Variants in KAZN observed in about 807,000 individuals in gnomAD.
The protein encoded by KAZN is kazrin, periplakin interacting protein, also known as kazrin.
Under a neutral mutation model 87.4 loss-of-function variants are expected in KAZN, and 40 were observed. That is an observed-to-expected ratio of 0.46 (90% confidence interval 0.36 to 0.60). The LOEUF is 0.60. Ranked by LOEUF, KAZN falls within the 20% of genes least tolerant of loss-of-function variation. KAZN has a pLI of 0.00. For synonymous variants in KAZN, 466 were observed against 458.3 expected (o/e 1.02, Z -0.22); for missense variants, 898 against 1,073.9 (o/e 0.84, Z 2.29).
intron 13 of KAZN, among the ~76,000 whole-genome samples, chr1:15,108,040 T>C (rs1265594161): frequency 1.3e-5 from 2 of 152,120 alleles, no homozygotes; most frequent in East Asian, 3.9e-4. Flanking sequence ...GGAGTCCCCT[T>C]CTGTCAGTTT....
chr1:14,419,620 G>GT (rs1238413265), intron 2 of KAZN, among the ~76,000 whole-genome samples: 30 of 152,242 alleles, frequency 2.0e-4, no homozygotes, highest in African/African-American at 7.0e-4. Flanking sequence ...TAAAGGTAGT[G>GT]TGTCCGGAGT....
chr1:14,613,008 T>C (rs1572048067), intron 1 of KAZN, among the ~76,000 whole-genome samples: 1 of 152,166 alleles, frequency 6.6e-6, no homozygotes, highest in Admixed American at 6.5e-5. Context: ...AAAGACAAGA[T>C]TGGGTATTTT....
At position 15,047,645 on chromosome 1, in the gene KAZN, G is replaced by C. The variant is rs138470508; in HGVS notation, c.726+3486G>C. 6.3e-3 allele frequency among the ~76,000 whole-genome samples: 954 copies of C among 152,240 alleles called. 8 individuals carry two copies. The highest frequency in any genetic ancestry group is 0.042 in the South Asian group (204 of 4,822). On this transcript the variant is annotated intron_variant, in intron 4 of 14. Transcript: ENST00000376030. ...AATCAGCTAGATGTGGTGGCACGCAGCTGTAATCCCAGCTCCTCGGGAGGC... is the reference window on the plus strand; with the variant it reads ...AATCAGCTAGATGTGGTGGCACGCACCTGTAATCCCAGCTCCTCGGGAGGC...
intron 1 of KAZN, among the ~76,000 whole-genome samples, chr1:13,897,850 C>T (rs1639101739): frequency 6.6e-6 from 1 of 152,198 alleles, no homozygotes; most frequent in Non-Finnish European, 1.5e-5. Flanking sequence ...GCCCACCTTC[C>T]TCCCTCTCCA....
At chr1:14,543,709 G>C (rs183755572) in intron 2 of KAZN, among the ~76,000 whole-genome samples, 1 of 152,158 alleles carries the variant, frequency 6.6e-6, no homozygotes, top group Admixed American at 6.5e-5. Context: ...ATCCTAATGT[G>C]AGAACCATCC....
chr1:14,280,283 C>T (rs1406893003), intron 2 of KAZN, among the ~76,000 whole-genome samples: 3 of 144,316 alleles, frequency 2.1e-5, no homozygotes, highest in Non-Finnish European at 4.5e-5. Context: ...AATCAGGAGA[C>T]TCACTTGAAC....
chr1:15,011,474 C>A (rs1418667783), intron 2 of KAZN, among the ~76,000 whole-genome samples: 1 of 152,178 alleles, frequency 6.6e-6, no homozygotes, highest in African/African-American at 2.4e-5. Flanking sequence ...TTGGGAGAGG[C>A]CCTCTTCCCA....
intron 1 of KAZN, among the ~76,000 whole-genome samples, chr1:14,815,444 C>T (rs114676242): frequency 0.017 from 2,621 of 152,204 alleles, 34 homozygotes; most frequent in Non-Finnish European, 0.029. Flanking sequence ...TTGATAATAA[C>T]GTTAATGATA....
intron 1 of KAZN, among the ~76,000 whole-genome samples, chr1:14,037,330 A>G (rs1193944852): frequency 6.6e-6 from 1 of 152,186 alleles, no homozygotes; most frequent in Non-Finnish European, 1.5e-5. Context: ...GCCCTTACTC[A>G]AAGTGTTTGC....
intron 2 of KAZN, among the ~76,000 whole-genome samples, chr1:14,277,218 C>G (rs1652431880): frequency 6.6e-6 from 1 of 152,152 alleles, no homozygotes; most frequent in African/African-American, 2.4e-5. Flanking sequence ...ATTACACACC[C>G]AACCCTGAAT....
chr1:15,037,760 T>C (rs1354614816), intron 3 of KAZN, among the ~76,000 whole-genome samples: 2 of 152,046 alleles, frequency 1.3e-5, no homozygotes, highest in African/African-American at 2.4e-5. Context: ...GTGGGCAGGA[T>C]TGGAGCTGTG....
chr1:15,112,812 C>A, intron 14 of KAZN: 1 of 335,374 alleles, frequency 3.0e-6, no homozygotes, highest in Non-Finnish European at 5.6e-6. Flanking sequence ...TCACCTGGGG[C>A]TATTACTGAA....
At chr1:14,428,642 G>A in intron 2 of KAZN, among the ~76,000 whole-genome samples, 1 of 152,122 alleles carries the variant, frequency 6.6e-6, no homozygotes, top group Non-Finnish European at 1.5e-5. Flanking sequence ...ACATGGCTTG[G>A]GAAGCCTCAG....
At chr1:14,301,756 G>A (rs1654569635) in intron 2 of KAZN, among the ~76,000 whole-genome samples, 3 of 152,186 alleles carry the variant, frequency 2.0e-5, no homozygotes, top group Admixed American at 2.0e-4. Context: ...GGTCCTAGCT[G>A]TGGAGGATTT....
intron 2 of KAZN, among the ~76,000 whole-genome samples, chr1:14,501,570 T>C (rs897429018): frequency 2.0e-5 from 3 of 152,140 alleles, no homozygotes; most frequent in Non-Finnish European, 4.4e-5. Flanking sequence ...CAAAACACTT[T>C]GGTATAAAGT....
rs180799238 is a variant in KAZN, at chr1:14,940,243, T to C, written c.227-20441T>C. Among the ~76,000 whole-genome samples, 168 of 152,310 alleles carry C rather than the reference T, an allele frequency of 1.1e-3. 1 individual carries two copies. The highest frequency in any genetic ancestry group is 3.9e-3 in the African/African-American group (163 of 41,558). ...GACTCATAATGTCCAGTGCAGTTGT[T>C]CCCCTTGAGTTTGAATACCTTCAGG... On this transcript the variant is annotated intron_variant, in intron 1 of 14. Transcript: ENST00000376030.
chr1:14,716,845 T>TTG (rs1642822831), intron 1 of KAZN, among the ~76,000 whole-genome samples: 4 of 152,044 alleles, frequency 2.6e-5, no homozygotes, highest in Non-Finnish European at 5.9e-5. Flanking sequence ...GTTAAATCCA[T>TTG]TTACCAGTCA....
intron 1 of KAZN, among the ~76,000 whole-genome samples, chr1:14,865,473 G>T (rs955309163): frequency 2.0e-5 from 3 of 152,130 alleles, no homozygotes; most frequent in East Asian, 3.9e-4. Flanking sequence ...CCTCCCCCAT[G>T]TCTGCCATCT....
At chr1:14,552,610 C>T (rs533763265) in intron 2 of KAZN, among the ~76,000 whole-genome samples, 6 of 152,200 alleles carry the variant, frequency 3.9e-5, no homozygotes, top group Admixed American at 6.5e-5. Flanking sequence ...CTCCTCCCAT[C>T]ACAAAAGCTG....
Sources: allele counts gnomAD v4.1 joint callset (sites outside exome capture counted in the v4.1 genomes callset), GRCh38; gene constraint gnomAD v4.1.1; transcripts MANE v1.5; gene names NCBI Gene and HGNC (gene_info 2026-07-23, HGNC 2026-07-21).